The following ITGAM variants were observed in gnomAD, a reference collection of about 807,000 sequenced individuals.
The protein encoded by ITGAM is integrin alpha-M.
A neutral mutation model predicts 137.5 loss-of-function variants in ITGAM; 79 were observed. The ratio of observed to expected loss-of-function variants is 0.57; its 90% CI spans 0.48 to 0.69. The LOEUF (loss-of-function observed/expected upper bound fraction) is 0.69. Among genes scored for constraint, ITGAM ranks in the 30% least tolerant of loss-of-function variants. The probability of loss-of-function intolerance (pLI) is 0.00; values close to 1 mark genes in which losing one functional copy is unlikely to be tolerated. For synonymous variants in ITGAM, 583 were observed against 592.3 expected (o/e 0.98, Z 0.23); for missense variants, 1,343 against 1,483.5 (o/e 0.91, Z 1.56).
At chr16:31,310,594 G>A (rs1191462684) in intron 14 of ITGAM, among the ~76,000 whole-genome samples, 2 of 152,012 alleles carry the variant, frequency 1.3e-5, no homozygotes, top group Non-Finnish European at 1.5e-5. Context: ...TTATCCATTC[G>A]TCTAATTTTT....
Position 31,331,966 on chromosome 16 carries a change from A to AGT in ITGAM, c.*267_*268dup, listed in dbSNP as rs937807729. 2.7e-5 allele frequency: 14 copies of AGT among 527,646 alleles called. No homozygotes were observed. Among genetic ancestry groups the AGT allele is most frequent in the African/African-American group, 2.0e-5 (1 of 50,088 alleles). 32.7% of individuals were successfully genotyped at this position (527,646 alleles called of 1,614,324 possible). A position where few individuals can be genotyped will look rare whatever the true frequency, so the allele number is the denominator to read the frequency against. The stretch of plus-strand genomic sequence containing the variant: ...GTGTGCAAGTATGTGAGTGTGTCCA[A>AGT]GTGTGTGTGCGTGTGTCCATGTGTG... On this transcript the variant is annotated 3_prime_UTR_variant, in exon 30 of 30. Transcript: ENST00000544665.
At chr16:31,275,074 T>A (rs1446372914) in intron 8 of ITGAM, among the ~76,000 whole-genome samples, 3 of 151,624 alleles carry the variant, frequency 2.0e-5, no homozygotes, top group Admixed American at 2.0e-4. Context: ...CCAGAGGCAA[T>A]GAAGGGGGCA....
chr16:31,280,130 G>T (rs988945564), intron 12 of ITGAM, among the ~76,000 whole-genome samples: 3 of 152,122 alleles, frequency 2.0e-5, no homozygotes, highest in Non-Finnish European at 4.4e-5. Flanking sequence ...TGCTGTTTTG[G>T]TTACTGTAGT....
At chr16:31,322,047 G>A (rs2080456622) in intron 16 of ITGAM, among the ~76,000 whole-genome samples, 1 of 152,208 alleles carries the variant, frequency 6.6e-6, no homozygotes, top group Non-Finnish European at 1.5e-5. Flanking sequence ...TGTGTTTGGG[G>A]TGGGAGAATA....
chr16:31,324,946 A>AT lies in ITGAM; in HGVS notation c.2290-6dup, dbSNP rs1411395926. Reference sequence around the variant, plus strand: ...TCTTTCCTTTCATTTGATCATATTTATTTTTTAAAAGTTTCCCTTTGAGAA... The same window carrying AT: ...TCTTTCCTTTCATTTGATCATATTTATTTTTTTAAAAGTTTCCCTTTGAGAA... On this transcript the variant is annotated splice_polypyrimidine_tract_variant and intron_variant, in intron 18 of 29. Coordinates refer to ENST00000544665, the MANE Select transcript of ITGAM (RefSeq NM_000632.4). This position sits in a 1 kb window ranked among gnomAD's most constrained non-coding sequence, Gnocchi z 4.5. The AT allele has an allele frequency of 1.2e-6, 2 of 1,603,384 alleles. No individual in the cohort carries two copies. The highest frequency in any genetic ancestry group is 2.7e-5 in the African/African-American group (2 of 74,312).
rs374296171 is a variant in ITGAM at position 31,266,158 on chromosome 16, T to C, written c.427+11T>C. The stretch of plus-strand genomic sequence containing the variant: ...CAGAGGCCCTCCGAGGTGGGTTGCC[T>C]TTGGCAGAGGGAACAGATGCGCAGC... On this transcript the variant is annotated intron_variant, in intron 5 of 29. Coordinates refer to ENST00000544665, the MANE Select transcript of ITGAM (RefSeq NM_000632.4). 1 of 1,585,174 alleles carries C rather than the reference T, an allele frequency of 6.3e-7. No homozygotes were observed. Among genetic ancestry groups the C allele is most frequent in the African/African-American group, 1.3e-5 (1 of 74,244 alleles).
chr16:31,288,134 A>C (rs2080048751), intron 12 of ITGAM, among the ~76,000 whole-genome samples: 1 of 152,078 alleles, frequency 6.6e-6, no homozygotes, highest in Non-Finnish European at 1.5e-5. Flanking sequence ...GTGGGGAAGC[A>C]AGGGGCCAGA....
intron 12 of ITGAM, among the ~76,000 whole-genome samples, chr16:31,286,212 G>A (rs182952879): frequency 6.6e-6 from 1 of 152,074 alleles, no homozygotes; most frequent in Admixed American, 6.5e-5. Flanking sequence ...AGTATTTGAT[G>A]GTGTATATGT....
chr16:31,327,141 C>T (rs2144499175), intron 22 of ITGAM, among the ~76,000 whole-genome samples: 1 of 152,316 alleles, frequency 6.6e-6, no homozygotes, highest in Admixed American at 6.5e-5. Context: ...GTGGTTCCTG[C>T]CCTCTCGGAG....
intron 14 of ITGAM, among the ~76,000 whole-genome samples, chr16:31,308,816 A>T (rs1337036103): frequency 2.6e-4 from 39 of 151,578 alleles, no homozygotes; most frequent in African/African-American, 9.0e-4. Context: ...TCTACACACT[A>T]CTTTGAATGT....
intron 14 of ITGAM, among the ~76,000 whole-genome samples, chr16:31,303,809 A>G (rs774519478): frequency 2.6e-5 from 4 of 152,264 alleles, no homozygotes; most frequent in Non-Finnish European, 2.9e-5. Flanking sequence ...CTCTGTGTAT[A>G]TATACACATA....
intron 12 of ITGAM, among the ~76,000 whole-genome samples, chr16:31,286,623 G>A (rs942570429): frequency 1.3e-5 from 2 of 152,110 alleles, no homozygotes; most frequent in Non-Finnish European, 2.9e-5. Context: ...TTTTTCAAAT[G>A]TTTTTTGGCT....
rs549406825 is a variant in ITGAM at position 31,305,509 on chromosome 16, G to A, written c.1707+7555G>A. Among the ~76,000 whole-genome samples the A allele has an allele frequency of 2.0e-5, 3 of 152,248 alleles. No homozygotes were observed. The East Asian group carries it at 5.8e-4, about 29-fold the overall frequency. ...CAGTACTGTGTTGAATAGAAGTGCT[G>A]AAAGTGGGCATTCTTGTCTTGTTCC... On this transcript the variant is annotated intron_variant, in intron 14 of 29. Coordinates refer to ENST00000544665, the MANE Select transcript of ITGAM (RefSeq NM_000632.4).
chr16:31,296,225 C>T (rs1293455642), intron 12 of ITGAM, among the ~76,000 whole-genome samples: 1 of 151,072 alleles, frequency 6.6e-6, no homozygotes, highest in Non-Finnish European at 1.5e-5. Flanking sequence ...CTGCCTCAGC[C>T]TCTTGAGTAG....
chr16:31,327,107 G>T, intron 22 of ITGAM, 172 bp downstream of exon 22: 1 of 661,032 alleles, frequency 1.5e-6, no homozygotes, highest in East Asian at 2.6e-5. Context: ...GAGTGCTGGT[G>T]GGATGGTGGT....
In ITGAM at chr16:31,271,888, T is replaced by A. The variant is rs1339824216; in HGVS notation, c.600T>A (p.Phe200Leu). The change falls in exon 7 of 30, where the codon TTT (phenylalanine) becomes TTA (leucine). Residue 200 changes from phenylalanine (F) to leucine (L), a missense_variant. Coordinates refer to ENST00000544665, the MANE Select transcript of ITGAM (RefSeq NM_000632.4). ...ACTCTGAAGAATTCCGGATTCACTT[T>A]ACCTTCAAAGAGTTCCAGAACAACC... ...MQYSEEFRIH[F>L]TFKEFQNNPN... 1.2e-6 allele frequency: 2 copies of A among 1,613,896 alleles called. No individual in the cohort carries two copies. The highest frequency in any genetic ancestry group is 2.7e-5 in the African/African-American group (2 of 74,940).
chr16:31,292,043 CAT>C (rs950726946), intron 12 of ITGAM, among the ~76,000 whole-genome samples: 2 of 152,008 alleles, frequency 1.3e-5, no homozygotes, highest in African/African-American at 2.4e-5. Context: ...AAAAATATCA[CAT>C]GTTCCCTATA....
chr16:31,271,426 C>T (rs1264663591), intron 6 of ITGAM, among the ~76,000 whole-genome samples: 2 of 152,238 alleles, frequency 1.3e-5, no homozygotes, highest in Non-Finnish European at 2.9e-5. Context: ...GATCTTGGCT[C>T]ACTGCAACCT....
chr16:31,328,094 A>C lies in ITGAM; in HGVS notation c.2709-53A>C. 2.2e-6 allele frequency: 3 copies of C among 1,379,696 alleles called. No homozygotes were observed. In the East Asian group the frequency reaches 6.9e-5, roughly 32 times the overall value. The allele number at this position is 1,379,696 out of a possible 1,614,324, so 85.5% of individuals were successfully genotyped here. Reference sequence around the variant, plus strand: ...AGGGAGTGAGGGAGAGGGAGGAGCAAAGACTAACTGTCAGTTCTCAAGAGC... The same window carrying C: ...AGGGAGTGAGGGAGAGGGAGGAGCACAGACTAACTGTCAGTTCTCAAGAGC... On this transcript the variant is annotated intron_variant, in intron 22 of 29. Coordinates refer to ENST00000544665, the MANE Select transcript of ITGAM (RefSeq NM_000632.4).
Sources: gnomAD v4.1 joint callset for allele counts (sites outside exome capture counted in the v4.1 genomes callset) on GRCh38, gnomAD v4.1.1 for gene constraint, Gnocchi (gnomAD v3.1) non-coding constraint, MANE v1.5 for transcripts, NCBI Gene and HGNC (gene_info 2026-07-23, HGNC 2026-07-21) for gene names.